The following FGF2 variants were observed in gnomAD, a reference collection of about 807,000 sequenced individuals.
FGF2 encodes fibroblast growth factor 2, also known as basic fibroblast growth factor bFGF.
In FGF2, 13 loss-of-function variants were observed where a neutral mutation model predicts 15.9. The ratio of observed to expected loss-of-function variants is 0.82; its 90% confidence interval spans 0.53 to 1.30. The LOEUF (loss-of-function observed/expected upper bound fraction) is 1.30. Ranked by LOEUF, FGF2 falls within the 50% of genes most tolerant of loss-of-function variation. The pLI, the probability that FGF2 is intolerant of heterozygous loss-of-function variation, is 0.00. For synonymous variants in FGF2, 90 were observed against 78.4 expected, an observed-to-expected ratio of 1.15 and a Z score of -0.78; for missense variants, 163 against 196.9, an observed-to-expected ratio of 0.83 and a Z score of 1.03.
upstream of FGF2, chr4:122,826,825 G>A (rs763538114): frequency 3.4e-6 from 5 of 1,465,896 alleles, no homozygotes; most frequent in South Asian, 6.7e-5. Context: ...CCGCGGCCCG[G>A]CGGGTGCCAG....
At chr4:122,835,651 G>A (rs1015197439) in intron 1 of FGF2, among the ~76,000 whole-genome samples, 3 of 151,848 alleles carry the variant, frequency 2.0e-5, no homozygotes, top group Non-Finnish European at 4.4e-5. Context: ...TACTTCTTTC[G>A]TATATATCTC....
intron 2 of FGF2, among the ~76,000 whole-genome samples, chr4:122,885,918 T>C (rs1198416002): frequency 3.0e-5 from 3 of 98,738 alleles, no homozygotes; most frequent in African/African-American, 9.3e-5. Flanking sequence ...TTTTCCTTTT[T>C]TTTTTTTTTT....
intron 1 of FGF2, among the ~76,000 whole-genome samples, chr4:122,873,146 T>C (rs1726773761): frequency 6.6e-6 from 1 of 152,218 alleles, no homozygotes; most frequent in Non-Finnish European, 1.5e-5. Context: ...GCCAAATGTT[T>C]GGGTTGGTGG....
intron 1 of FGF2, among the ~76,000 whole-genome samples, chr4:122,844,892 T>A (rs4561939): frequency 0.025 from 3,813 of 152,248 alleles, 179 homozygotes; most frequent in African/African-American, 0.086. Context: ...CTGCCTTGGC[T>A]TCCCAAAATT....
At chr4:122,884,067 G>A (rs540370630) in intron 2 of FGF2, among the ~76,000 whole-genome samples, 2 of 152,300 alleles carry the variant, frequency 1.3e-5, no homozygotes, top group South Asian at 2.1e-4. Context: ...TACAGTAATT[G>A]AAGAGGAATA....
At chr4:122,836,605 G>A (rs954769968) in intron 1 of FGF2, among the ~76,000 whole-genome samples, 4 of 152,114 alleles carry the variant, frequency 2.6e-5, no homozygotes, top group African/African-American at 4.8e-5. Context: ...TATTCTGAGG[G>A]TCTGAGGCTG....
chr4:122,854,348 A>G (rs546362310), intron 1 of FGF2, among the ~76,000 whole-genome samples: 1 of 152,332 alleles, frequency 6.6e-6, no homozygotes, highest in East Asian at 1.9e-4. Context: ...GACCCTGGCA[A>G]TCAAGATTGT....
chr4:122,871,172 A>T (rs571531143), intron 1 of FGF2, among the ~76,000 whole-genome samples: 1 of 149,832 alleles, frequency 6.7e-6, no homozygotes, highest in South Asian at 2.1e-4. Context: ...ATTTGATTGC[A>T]CTGTGTTTTG....
Position 122,826,866 on chromosome 4 carries a change from G to C in FGF2, c.-309G>C. The C allele has an allele frequency of 1.3e-6, 2 of 1,518,520 alleles. No homozygotes were observed. The highest frequency in any genetic ancestry group is 1.8e-6 in the Non-Finnish European group (2 of 1,134,522). 94.1% of individuals were successfully genotyped at this position (1,518,520 alleles called of 1,614,324 possible). A position where few individuals can be genotyped will look rare whatever the true frequency, so the allele number is the denominator to read the frequency against. ...CGGACGCGGTGCCCGCGGTTGCAAC[G>C]GGATCCCGGGCGCTGCAGCTTGGGA... On this transcript the variant is annotated 5_prime_UTR_variant, in exon 1 of 3. Transcript: ENST00000644866.
At chr4:122,839,852 G>A (rs926670620) in intron 1 of FGF2, among the ~76,000 whole-genome samples, 5 of 152,254 alleles carry the variant, frequency 3.3e-5, no homozygotes, top group Admixed American at 1.3e-4. Context: ...TGGGTGGCTC[G>A]AACAATAGAA....
intron 2 of FGF2, among the ~76,000 whole-genome samples, chr4:122,878,689 G>C (rs1026141692): frequency 6.6e-6 from 1 of 152,208 alleles, no homozygotes; most frequent in African/African-American, 2.4e-5. Flanking sequence ...CTGGTGGAGA[G>C]AGATCAGTTA....
intron 1 of FGF2, among the ~76,000 whole-genome samples, chr4:122,850,803 A>AC (rs996366587): frequency 1.3e-5 from 2 of 152,146 alleles, no homozygotes; most frequent in African/African-American, 4.8e-5. Context: ...TTTGTGGCAC[A>AC]GGGGAAGGAA....
At chr4:122,891,748 A>G (rs1229255598) in intron 2 of FGF2, among the ~76,000 whole-genome samples, 3 of 152,180 alleles carry the variant, frequency 2.0e-5, no homozygotes, top group South Asian at 2.1e-4. Context: ...AAAGATTACA[A>G]TGGGTTAGCC....
intron 2 of FGF2, among the ~76,000 whole-genome samples, chr4:122,884,058 A>T (rs1240890222): frequency 2.6e-5 from 4 of 152,256 alleles, no homozygotes; most frequent in African/African-American, 9.6e-5. Flanking sequence ...TGAGAAAAAT[A>T]CAGTAATTGA....
At chr4:122,863,938 C>G (rs1560748810) in intron 1 of FGF2, among the ~76,000 whole-genome samples, 1 of 152,316 alleles carries the variant, frequency 6.6e-6, no homozygotes, top group South Asian at 2.1e-4. Flanking sequence ...GCAACATTTT[C>G]AAGAATAATG....
At chr4:122,889,961 T>A (rs1727134833) in intron 2 of FGF2, 1 of 152,198 alleles carries the variant, frequency 6.6e-6, no homozygotes, top group Admixed American at 6.5e-5. Context: ...ATGCTGTTGT[T>A]TAAATTTACC....
rs375761419 is a variant in FGF2 at position 122,875,272 on chromosome 4, T to A, written c.179-1049T>A. Among the ~76,000 whole-genome samples the A allele has an allele frequency of 2.6e-4, 39 of 152,228 alleles. No homozygotes were observed. In the South Asian group the frequency reaches 6.4e-3, roughly 25 times the overall value. On this transcript the variant is annotated intron_variant, in intron 1 of 2. Coordinates refer to ENST00000644866, the MANE Select transcript of FGF2 (RefSeq NM_001361665.2). Reference sequence around the variant, plus strand: ...GTAATTTTTTTTTGTTTTTCTGTAATCTGCTTAATATTGATAATGTGGTGT... The same window carrying A: ...GTAATTTTTTTTTGTTTTTCTGTAAACTGCTTAATATTGATAATGTGGTGT...
chr4:122,850,714 G>A (rs1277919449), intron 1 of FGF2, among the ~76,000 whole-genome samples: 1 of 152,042 alleles, frequency 6.6e-6, no homozygotes, highest in Non-Finnish European at 1.5e-5. Flanking sequence ...TAGTTGTATG[G>A]GACTCTTAGC....
intron 1 of FGF2, among the ~76,000 whole-genome samples, chr4:122,848,144 T>C (rs1726154340): frequency 6.6e-6 from 1 of 152,118 alleles, no homozygotes; most frequent in African/African-American, 2.4e-5. Flanking sequence ...AGGACACGGG[T>C]CAGAGACTTC....
Sources: gnomAD v4.1 joint callset for allele counts (sites outside exome capture counted in the v4.1 genomes callset) on GRCh38, gnomAD v4.1.1 for gene constraint, MANE v1.5 for transcripts, NCBI Gene and HGNC (gene_info 2026-07-23, HGNC 2026-07-21) for gene names.